The following TMEM130 variants were observed in gnomAD, a reference collection of about 807,000 sequenced individuals.
TMEM130 encodes transmembrane protein 130.
TMEM130 carries 37 observed loss-of-function variants against 42.9 expected under a neutral mutation model. That is an observed-to-expected ratio of 0.86 (90% confidence interval 0.66 to 1.13). The LOEUF (loss-of-function observed/expected upper bound fraction) is 1.13, where lower values mean the gene tolerates loss of function less well. Ranked by LOEUF, TMEM130 falls within the 50% of genes most tolerant of loss-of-function variation. The pLI, the probability that TMEM130 is intolerant of heterozygous loss-of-function variation, is 0.00. For missense variants in TMEM130, 545 were observed against 562.6 expected (o/e 0.97, Z 0.32); for synonymous variants, 259 against 237.7 (o/e 1.09, Z -0.82).
chr7:98,863,221 G>C lies in TMEM130; in HGVS notation c.265C>G (p.Leu89Val). 6.2e-7 allele frequency: 1 copy of C among 1,614,132 alleles called. No individual in the cohort carries two copies. The highest frequency in any genetic ancestry group is 8.5e-7 in the Non-Finnish European group (1 of 1,180,028). The change falls in exon 2 of 8, where the codon CTC becomes GTC. Residue 89 changes from leucine to valine, a missense_variant. Leu to Val is a conservative substitution (Grantham distance 32, BLOSUM62 1). Transcript: ENST00000339375. ...CCGACCACACGGATGGTGGAGCTGAGACCCTTCTCCATCTTGCCAGTAAGC... is the reference window on the plus strand; with the variant it reads ...CCGACCACACGGATGGTGGAGCTGACACCCTTCTCCATCTTGCCAGTAAGC... The part of the protein sequence containing the change: ...LVLTGKMEKG[L>V]SSTIRVVGHV...
At chr7:98,850,288 T>TTTTTTTTTTTTTA (rs1554398034) in intron 6 of TMEM130, among the ~76,000 whole-genome samples, 6 of 112,498 alleles carry the variant, frequency 5.3e-5, no homozygotes, top group African/African-American at 1.5e-4. Flanking sequence ...TTTTTTTTTT[T>TTTTTTTTTTTTTA]AATTTTTTGA....
At chr7:98,859,429 T>C (rs1007622787) in intron 3 of TMEM130, among the ~76,000 whole-genome samples, 1 of 152,132 alleles carries the variant, frequency 6.6e-6, no homozygotes, top group Non-Finnish European at 1.5e-5. Flanking sequence ...CTTAAATGGC[T>C]GTTTTGGGCA....
At chr7:98,864,881 C>A (rs1229193569) in intron 1 of TMEM130, among the ~76,000 whole-genome samples, 1 of 152,132 alleles carries the variant, frequency 6.6e-6, no homozygotes, top group Non-Finnish European at 1.5e-5. Context: ...GCCTGGGCAA[C>A]AAGAGTGAGA....
intron 1 of TMEM130, among the ~76,000 whole-genome samples, chr7:98,865,625 A>G (rs1440107505): frequency 6.6e-6 from 1 of 152,130 alleles, no homozygotes; most frequent in Non-Finnish European, 1.5e-5. Flanking sequence ...TTAAAAAAAG[A>G]AAGGCCAACT....
rs1491493786 is a variant in TMEM130, at chr7:98,850,274, T to TA, written c.1006+1146_1006+1147insT. On this transcript the variant is annotated intron_variant, in intron 6 of 7. Transcript: ENST00000339375. ...TCATATATATATATATATATATATA[T>TA]TTTTTTTTTTTTTTAATTTTTTGAG... 8.3e-4 allele frequency among the ~76,000 whole-genome samples: 26 copies of TA among 31,232 alleles called. 2 individuals are homozygous for TA. The highest frequency in any genetic ancestry group is 1.7e-3 in the Non-Finnish European group (22 of 12,886). 20.5% of individuals were successfully genotyped at this position (31,232 alleles called of 152,430 possible).
At chr7:98,848,433 A>G (rs1484109693) in intron 7 of TMEM130, 150 bp downstream of exon 7, 4 of 737,830 alleles carry the variant, frequency 5.4e-6, no homozygotes, top group East Asian at 5.3e-5. Flanking sequence ...TGGTCTACAG[A>G]TGCCTCTTGG....
rs1011173087 is a variant in TMEM130, at chr7:98,847,953, C to T, written c.*103G>A. 1.7e-5 allele frequency: 19 copies of T among 1,144,902 alleles called. No homozygotes were observed. The highest frequency in any genetic ancestry group is 4.2e-5 in the Admixed American group (2 of 47,922). The allele number at this position is 1,144,902 out of a possible 1,614,324, so 70.9% of individuals were successfully genotyped here. On this transcript the variant is annotated 3_prime_UTR_variant, in exon 8 of 8. Coordinates refer to ENST00000339375, the MANE Select transcript of TMEM130 (RefSeq NM_152913.3). Reference sequence around the variant, plus strand: ...TGGATGGATGATCCAGGCCAACAGCCCCACGCAAATGAACCCCTCCTGGTC... The same window carrying T: ...TGGATGGATGATCCAGGCCAACAGCTCCACGCAAATGAACCCCTCCTGGTC...
chr7:98,851,676 C>G, intron 5 of TMEM130, 53 bp from the exon 6 acceptor site: 1 of 1,502,888 alleles, frequency 6.7e-7, no homozygotes, highest in East Asian at 2.4e-5. Flanking sequence ...AGCATGTCAG[C>G]ACAGACCAAG....
chr7:98,868,986 C>T (rs1415878821), intron 1 of TMEM130, among the ~76,000 whole-genome samples: 2 of 152,198 alleles, frequency 1.3e-5, no homozygotes, highest in African/African-American at 4.8e-5. Flanking sequence ...TCTCTCTCCA[C>T]CGCTCTTTTA....
Position 98,860,302 on chromosome 7 carries a change from G to C in TMEM130, c.428C>G (p.Thr143Ser). The change falls in exon 3 of 8, where the codon ACT (threonine) becomes AGT (serine). Residue 143 changes from threonine to serine, a missense_variant. By Grantham distance (58) the Thr-to-Ser change is moderately conservative. Coordinates refer to ENST00000339375, the MANE Select transcript of TMEM130 (RefSeq NM_152913.3). ...ATAGGAGCTGGGCCAGGGTAGGGAA[G>C]TGTTCTGGGTGACAACAAGGTCCCC... ...LVGDLVVTQN[T>S]SLPWPSSYLT... 6.2e-7 allele frequency: 1 copy of C among 1,609,518 alleles called. No homozygotes were observed. Among genetic ancestry groups the C allele is most frequent in the Non-Finnish European group, 8.5e-7 (1 of 1,177,462 alleles).
In TMEM130 at chr7:98,848,224, G is replaced by T. The variant is rs200482756; in HGVS notation, c.1120-16C>A. 6.2e-7 allele frequency: 1 copy of T among 1,613,796 alleles called. No homozygotes were observed. Among genetic ancestry groups the T allele is most frequent in the South Asian group, 1.1e-5 (1 of 91,044 alleles). On this transcript the variant is annotated splice_polypyrimidine_tract_variant and intron_variant, in intron 7 of 7. Coordinates refer to ENST00000339375, the MANE Select transcript of TMEM130 (RefSeq NM_152913.3). ...GCTCCGGGTTCTTGTCAGACATGGG[G>T]GAAAAGTCAAAATCAGCCACCTATG... is the stretch of plus-strand genomic sequence containing the variant.
At chr7:98,868,759 A>T (rs1794963753) in intron 1 of TMEM130, among the ~76,000 whole-genome samples, 1 of 152,144 alleles carries the variant, frequency 6.6e-6, no homozygotes, top group Non-Finnish European at 1.5e-5. Context: ...CACTTTTGTT[A>T]TTATTTTCTT....
chr7:98,863,914 C>T (rs528524424), intron 1 of TMEM130, among the ~76,000 whole-genome samples: 1 of 149,814 alleles, frequency 6.7e-6, no homozygotes, highest in African/African-American at 2.5e-5. Context: ...CTCTCCCTTT[C>T]GTTCTCTGGA....
intron 3 of TMEM130, among the ~76,000 whole-genome samples, chr7:98,858,054 A>AT (rs1794674888): frequency 6.6e-6 from 1 of 152,082 alleles, no homozygotes; most frequent in Admixed American, 6.6e-5. Flanking sequence ...AAACAAAAAC[A>AT]TATTCTAAGT....
At position 98,860,199 on chromosome 7, in the gene TMEM130, G is replaced by C. The variant is rs1459786372; in HGVS notation, c.531C>G (p.Tyr177Ter). The change falls in exon 3 of 8, where the codon TAC (tyrosine) becomes TAG (stop). Residue 177 changes from tyrosine (Y) to a stop codon, truncating the protein, a stop_gained. Coordinates refer to ENST00000339375, the MANE Select transcript of TMEM130 (RefSeq NM_152913.3). LOFTEE classifies it high-confidence loss of function. ...CCTACCCGTCCCCGAAGTCCCAGCT[G>C]TAGAGAAACAAGGCGGTCTTGAGGA... ...SNFLKTALFL[Y>*]SWDFGDGTQM... 2 of 1,613,740 alleles carry C rather than the reference G, an allele frequency of 1.2e-6. No individual in the cohort carries two copies. The highest frequency in any genetic ancestry group is 1.7e-6 in the Non-Finnish European group (2 of 1,179,842).
chr7:98,848,695 C>T lies in TMEM130; in HGVS notation c.1007G>A (p.Arg336Lys). The T allele has an allele frequency of 1.2e-6, 2 of 1,606,800 alleles. No homozygotes were observed. Among genetic ancestry groups the T allele is most frequent in the Non-Finnish European group, 1.7e-6 (2 of 1,173,398 alleles). The stretch of plus-strand genomic sequence containing the variant: ...GAAAGCAAAGACAGCCGGCTGGATT[C>T]CTGGGAATGAAAGAAGTAACATTAC... The part of the protein sequence containing the change: ...QYHKIQVWPS[R>K]IQPAVFAFPC... Residue 336 changes from arginine to lysine, a missense_variant and splice_region_variant, in exon 7 of 8, where the codon AGA becomes AAA. Arg to Lys is a conservative substitution (Grantham distance 26). Transcript: ENST00000339375.
Position 98,869,172 on chromosome 7 carries a change from C to CT in TMEM130, c.85+604dup. On this transcript the variant is annotated intron_variant, in intron 1 of 7. Coordinates refer to ENST00000339375, the MANE Select transcript of TMEM130 (RefSeq NM_152913.3). This position sits in a 1 kb window ranked among gnomAD's most constrained non-coding sequence, Gnocchi z 4.7. The stretch of plus-strand genomic sequence containing the variant: ...AAGTGGGGGCAGTAGACACACAACC[C>CT]TGCTTCCCCCACTCCCCCACCCACA... 1 of 1,283,060 alleles carries CT rather than the reference C, an allele frequency of 7.8e-7. No individual in the cohort carries two copies. The highest frequency in any genetic ancestry group is 1.2e-5 in the South Asian group (1 of 80,326). 79.5% of individuals were successfully genotyped at this position (1,283,060 alleles called of 1,614,324 possible). A position where few individuals can be genotyped will look rare whatever the true frequency, so the allele number is the denominator to read the frequency against.
Position 98,848,201 on chromosome 7 carries a change from T to C in TMEM130, c.1127A>G (p.Glu376Gly), listed in dbSNP as rs781789748. ...TQQKDMVENP[E>G]PPSGVRCCCQ... Reference sequence around the variant, plus strand: ...GCAGCACCTGACCCCAGAGGGTGGCTCCGGGTTCTTGTCAGACATGGGGGA... The same window carrying C: ...GCAGCACCTGACCCCAGAGGGTGGCCCCGGGTTCTTGTCAGACATGGGGGA... The change falls in exon 8 of 8, where the codon GAG becomes GGG. Residue 376 changes from glutamate (E) to glycine (G), a missense_variant. Physicochemically the swap from Glu to Gly is moderately conservative, Grantham distance 98. Coordinates refer to ENST00000339375, the MANE Select transcript of TMEM130 (RefSeq NM_152913.3). The C allele has an allele frequency of 8.7e-6, 14 of 1,613,970 alleles. No individual in the cohort carries two copies. The highest frequency in any genetic ancestry group is 1.2e-5 in the Non-Finnish European group (14 of 1,179,992).
At chr7:98,866,815 G>A (rs1206460924) in intron 1 of TMEM130, 1 of 151,934 alleles carries the variant, frequency 6.6e-6, no homozygotes, top group Non-Finnish European at 1.5e-5. Context: ...AAAGGCATTT[G>A]AGGCCGGGCC....
Sources: gnomAD v4.1 joint callset for allele counts (sites outside exome capture counted in the v4.1 genomes callset) on GRCh38, gnomAD v4.1.1 for gene constraint, Gnocchi (gnomAD v3.1) non-coding constraint, MANE v1.5 for transcripts, NCBI Gene and HGNC (gene_info 2026-07-23, HGNC 2026-07-21) for gene names.